The following RASGRF1 variants were observed in gnomAD, a reference collection of about 807,000 sequenced individuals.
RASGRF1 encodes ras-specific guanine nucleotide-releasing factor 1.
A neutral mutation model predicts 138.7 loss-of-function variants in RASGRF1; 40 were observed. That is an observed-to-expected ratio of 0.29 (90% CI 0.22 to 0.38). The LOEUF (loss-of-function observed/expected upper bound fraction) is 0.38. RASGRF1 is among the 10% of genes least tolerant of loss of function. RASGRF1 has a pLI of 1.00. For missense variants in RASGRF1, 1,108 were observed against 1,650.4 expected (o/e 0.67, Z 5.69); for synonymous variants, 614 against 663.2 (o/e 0.93, Z 1.14).
Position 79,004,038 on chromosome 15 carries a change from C to A in RASGRF1, c.2213G>T (p.Arg738Leu). The A allele has an allele frequency of 1.2e-6, 2 of 1,614,034 alleles. No homozygotes were observed. Among genetic ancestry groups the A allele is most frequent in the Non-Finnish European group, 1.7e-6 (2 of 1,180,016 alleles). Residue 738 changes from arginine to leucine, a missense_variant, in exon 15 of 27, where the codon CGG becomes CTG. Arg to Leu is a moderately radical substitution (Grantham distance 102). Transcript: ENST00000558480. ...SITKTSSPSR[R>L]RKLSLNIPII... ...GGGGATGTTCAGGGAGAGCTTCCGC[C>A]GGCGGCTCGGTGACGATGTCTTGGT...
chr15:78,977,292 A>G (rs189922475), intron 24 of RASGRF1, among the ~76,000 whole-genome samples: 5 of 152,258 alleles, frequency 3.3e-5, no homozygotes, highest in East Asian at 1.9e-4. Flanking sequence ...CCTCTCTCCC[A>G]TCTTGAGGCC....
rs535763300 is a variant in RASGRF1, at chr15:79,053,263, G to T, written c.532-3675C>A. Among the ~76,000 whole-genome samples, 55 of 152,152 alleles carry T rather than the reference G, an allele frequency of 3.6e-4. 1 individual carries two copies. The highest frequency in any genetic ancestry group is 6.0e-4 in the Non-Finnish European group (41 of 67,988). On this transcript the variant is annotated intron_variant, in intron 3 of 26. Transcript: ENST00000558480. ...CTGGGCGACAAGATCGAAAAAAAAA[G>T]AAAAACCAACCCAAAACTGATTCCA...
At chr15:79,062,475 T>C (rs913831614) in intron 2 of RASGRF1, among the ~76,000 whole-genome samples, 39 of 152,340 alleles carry the variant, frequency 2.6e-4, no homozygotes, top group African/African-American at 8.7e-4. Context: ...GTATTCAAGA[T>C]CCAGTTATGG....
At chr15:79,086,084 C>A (rs563472824) in intron 1 of RASGRF1, among the ~76,000 whole-genome samples, 1 of 152,234 alleles carries the variant, frequency 6.6e-6, no homozygotes, top group African/African-American at 2.4e-5. Flanking sequence ...GATCCTGGGG[C>A]CCCACACCTG....
chr15:79,084,324 G>T (rs536478228), intron 1 of RASGRF1, among the ~76,000 whole-genome samples: 5 of 151,360 alleles, frequency 3.3e-5, no homozygotes, highest in Non-Finnish European at 1.5e-5. Context: ...TAGACGAGCC[G>T]CCAAATTCAA....
intron 5 of RASGRF1, among the ~76,000 whole-genome samples, chr15:79,044,004 C>G (rs1026083373): frequency 6.6e-6 from 1 of 152,230 alleles, no homozygotes; most frequent in Non-Finnish European, 1.5e-5. Context: ...GGGAAGTGCA[C>G]TCAGATGCAC....
rs1458264129 is a variant in RASGRF1 at position 79,050,235 on chromosome 15, G to A, written c.532-647C>T. Among the ~76,000 whole-genome samples the A allele has an allele frequency of 6.6e-6, 1 of 152,094 alleles. No individual in the cohort carries two copies. Among genetic ancestry groups the A allele is most frequent in the African/African-American group, 2.4e-5 (1 of 41,416 alleles). Reference sequence around the variant, plus strand: ...GGACTCCTCTAGGTACCTCATCTAAGCGGAATCATGCACTATTTGTCTTTC... The same window carrying A: ...GGACTCCTCTAGGTACCTCATCTAAACGGAATCATGCACTATTTGTCTTTC... On this transcript the variant is annotated intron_variant, in intron 3 of 26. Coordinates refer to ENST00000558480, the MANE Select transcript of RASGRF1 (RefSeq NM_001145648.3). This position sits in a 1 kb window ranked among gnomAD's most constrained non-coding sequence, Gnocchi z 4.1.
In RASGRF1 at chr15:78,991,716, G is replaced by C. The variant is rs775882844; in HGVS notation, c.3106C>G (p.Leu1036Val). The C allele has an allele frequency of 9.3e-6, 15 of 1,614,154 alleles. No homozygotes were observed. The highest frequency in any genetic ancestry group is 9.3e-6 in the Non-Finnish European group (11 of 1,179,986). Reference protein sequence around the residue: ...IAEQLTLLDHLVFKKIPYEEF... With the variant: ...IAEQLTLLDHVVFKKIPYEEF... ...TCATAAGGAATCTTCTTGAAGACGA[G>C]GTGATCTAGCAGGGTCAGCTGCTCC... The change falls in exon 21 of 27, where the codon CTC becomes GTC. Residue 1036 changes from leucine (L) to valine (V), a missense_variant. This residue lies in a region of RASGRF1 where 686 missense variants were observed against 976.7 expected (regional missense o/e 0.70). Coordinates refer to ENST00000558480, the MANE Select transcript of RASGRF1 (RefSeq NM_001145648.3).
At chr15:79,036,012 T>C (rs1390870907) in intron 5 of RASGRF1, among the ~76,000 whole-genome samples, 10 of 152,226 alleles carry the variant, frequency 6.6e-5, no homozygotes, top group Non-Finnish European at 1.0e-4. Context: ...CAGCCACATT[T>C]GCCCGGCCTT....
At chr15:79,013,955 A>G (rs1023582268) in intron 13 of RASGRF1, among the ~76,000 whole-genome samples, 4 of 152,256 alleles carry the variant, frequency 2.6e-5, no homozygotes, top group African/African-American at 9.6e-5. Context: ...TTATTAAAAA[A>G]GAGTACATAA....
rs537186575 is a variant in RASGRF1, at chr15:79,001,688, T to C, written c.2549A>G (p.Lys850Arg). ...TSPTKSPTTP[K>R]SVKNKNSSEF... ...TGAAGAATTTTTGTTTTTGACTGAT[T>C]TGGGTGTTGTTGGAGATTTAGTTGG... is the stretch of plus-strand genomic sequence containing the variant. The change falls in exon 16 of 27, where the codon AAA becomes AGA. Residue 850 changes from lysine to arginine, a missense_variant. By Grantham distance (26) the Lys-to-Arg change is conservative. Around this residue, in one of 3 missense-constraint regions of RASGRF1, gnomAD observed 686 missense variants for 976.7 expected, o/e 0.70. Coordinates refer to ENST00000558480, the MANE Select transcript of RASGRF1 (RefSeq NM_001145648.3). 8.1e-6 allele frequency: 13 copies of C among 1,612,276 alleles called. No homozygotes were observed. Among genetic ancestry groups the C allele is most frequent in the African/African-American group, 1.3e-5 (1 of 74,970 alleles).
At chr15:79,077,271 T>A (rs2057845512) in intron 1 of RASGRF1, among the ~76,000 whole-genome samples, 2 of 152,192 alleles carry the variant, frequency 1.3e-5, no homozygotes, top group African/African-American at 2.4e-5. Flanking sequence ...ATTTATTATT[T>A]GGCCTTGGGG....
At chr15:78,969,539 C>T (rs1465439769) in intron 26 of RASGRF1, among the ~76,000 whole-genome samples, 2 of 152,100 alleles carry the variant, frequency 1.3e-5, no homozygotes, top group Admixed American at 1.3e-4. Context: ...CGTGGTGGCT[C>T]ACACCTGTAG....
intron 5 of RASGRF1, among the ~76,000 whole-genome samples, chr15:79,037,314 A>G (rs756909265): frequency 4.0e-5 from 6 of 151,884 alleles, no homozygotes; most frequent in Non-Finnish European, 7.4e-5. Flanking sequence ...GCCATCCCCA[A>G]TCTTTTTGGC....
At chr15:79,031,591 T>A (rs1595920373) in intron 7 of RASGRF1, 82 bp from the exon 8 acceptor site, 3 of 623,288 alleles carry the variant, frequency 4.8e-6, no homozygotes, top group African/African-American at 2.3e-5. Context: ...AGACAGGGAG[T>A]GAGCAAGAGA....
At chr15:78,967,334 C>T (rs2141589005) in intron 26 of RASGRF1, among the ~76,000 whole-genome samples, 1 of 152,084 alleles carries the variant, frequency 6.6e-6, no homozygotes, top group South Asian at 2.1e-4. Flanking sequence ...TCACTTGAGG[C>T]CAGGAGTTCG....
chr15:79,088,926 C>A (rs772008320), intron 1 of RASGRF1, among the ~76,000 whole-genome samples: 1 of 152,248 alleles, frequency 6.6e-6, no homozygotes, highest in African/African-American at 2.4e-5. Context: ...GTCCACACTT[C>A]CCAGTCCTCA....
chr15:79,002,165 ATCTC>A (rs201059912), intron 15 of RASGRF1, among the ~76,000 whole-genome samples: 2 of 148,200 alleles, frequency 1.3e-5, no homozygotes, highest in African/African-American at 5.1e-5. Context: ...GAGTTACACG[ATCTC>A]TCTTTTTTTT....
intron 26 of RASGRF1, among the ~76,000 whole-genome samples, chr15:78,968,260 G>C (rs1014840934): frequency 2.0e-5 from 3 of 151,012 alleles, no homozygotes; most frequent in African/African-American, 4.9e-5. Context: ...ATGTGTGTGT[G>C]TGTGTGTGTG....
Sources: gnomAD v4.1 joint callset for allele counts (sites outside exome capture counted in the v4.1 genomes callset) on GRCh38, gnomAD v4.1.1 for gene constraint, gnomAD v4.1.1 regional missense constraint, Gnocchi (gnomAD v3.1) non-coding constraint, MANE v1.5 for transcripts, NCBI Gene and HGNC (gene_info 2026-07-23, HGNC 2026-07-21) for gene names.